Variants in EFR3B observed in about 807,000 individuals in gnomAD.
EFR3B encodes EFR3 homolog B.
A neutral mutation model predicts 104.7 loss-of-function variants in EFR3B; 64 were observed. The observed-to-expected ratio is 0.61, with a 90% CI of 0.50 to 0.75. The LOEUF (loss-of-function observed/expected upper bound fraction) is 0.75, where lower values mean the gene tolerates loss of function less well. Among genes scored for constraint, EFR3B ranks in the 30% least tolerant of loss-of-function variants. The probability of loss-of-function intolerance (pLI) is 0.00; values close to 1 mark genes in which losing one functional copy is unlikely to be tolerated. For synonymous variants in EFR3B, 385 were observed against 417.9 expected (o/e 0.92, Z 0.96); for missense variants, 750 against 1,078.5 (o/e 0.70, Z 4.27).
At position 25,155,358 on chromosome 2, in the gene EFR3B, A is replaced by C. The variant is rs1183500747; in HGVS notation, c.*1018A>C. On this transcript the variant is annotated 3_prime_UTR_variant, in exon 23 of 23. Transcript: ENST00000403714. Reference sequence around the variant, plus strand: ...CTTTTTGGATGTTCCGTTTGAAGAAAGAAGGATCTAACACCTAATATTGGA... The same window carrying C: ...CTTTTTGGATGTTCCGTTTGAAGAACGAAGGATCTAACACCTAATATTGGA... 1 of 152,220 alleles carries C rather than the reference A, an allele frequency of 6.6e-6. No individual in the cohort carries two copies. The highest frequency in any genetic ancestry group is 1.5e-5 in the Non-Finnish European group (1 of 68,058). 9.4% of individuals were successfully genotyped at this position (152,220 alleles called of 1,614,324 possible).
intron 3 of EFR3B, among the ~76,000 whole-genome samples, chr2:25,099,777 G>T (rs147583156): frequency 9.2e-4 from 140 of 151,786 alleles, no homozygotes; most frequent in African/African-American, 3.3e-3. Flanking sequence ...GTCCCAGGAG[G>T]TATCATGGAG....
rs371978789 is a variant in EFR3B at position 25,141,447 on chromosome 2, G to A, written c.1922+14G>A. 47 of 1,550,512 alleles carry A rather than the reference G, an allele frequency of 3.0e-5. No individual in the cohort carries two copies. Among genetic ancestry groups the A allele is most frequent in the African/African-American group, 5.5e-5 (4 of 72,994 alleles). ...GGAGAGGCCCAGGTGAGGAGAGGAC[G>A]GGGGACGTGGTCAGGGATCCCCAGG... On this transcript the variant is annotated intron_variant, in intron 17 of 22. Transcript: ENST00000403714.
At chr2:25,046,648 C>T (rs1404081550) in intron 1 of EFR3B, among the ~76,000 whole-genome samples, 2 of 150,678 alleles carry the variant, frequency 1.3e-5, no homozygotes, top group East Asian at 4.0e-4. Context: ...GGACTACAGG[C>T]GTCCACCACC....
chr2:25,141,628 C>G (rs1283860401), intron 17 of EFR3B, among the ~76,000 whole-genome samples, 195 bp downstream of exon 17: 2 of 152,226 alleles, frequency 1.3e-5, no homozygotes, highest in Admixed American at 1.3e-4. Flanking sequence ...GTCCATGCCT[C>G]GAGCATGCAA....
rs145213744 is a variant in EFR3B at position 25,051,059 on chromosome 2, G to T, written c.7+8740G>T. On this transcript the variant is annotated intron_variant, in intron 1 of 22. Coordinates refer to ENST00000403714, the MANE Select transcript of EFR3B (RefSeq NM_014971.2). ...TGGCCCTGCTCTCAGCTGCCTCCTG[G>T]TTTGCTCATGGAGGCTCCACCCCCC... Among the ~76,000 whole-genome samples the T allele has an allele frequency of 2.0e-3, 309 of 152,222 alleles. 1 individual carries two copies. Among genetic ancestry groups the T allele is most frequent in the African/African-American group, 6.9e-3 (288 of 41,522 alleles).
intron 1 of EFR3B, among the ~76,000 whole-genome samples, chr2:25,069,860 C>A (rs1668446361): frequency 6.6e-6 from 1 of 152,294 alleles, no homozygotes; most frequent in Admixed American, 6.5e-5. Flanking sequence ...CCACGCCTGG[C>A]TAATTTTTTT....
chr2:25,091,461 G>A, intron 2 of EFR3B, 60 bp downstream of exon 2: 2 of 1,463,166 alleles, frequency 1.4e-6, no homozygotes, highest in Non-Finnish European at 1.8e-6. Flanking sequence ...CCTCTGACGG[G>A]GGCAGCTTGG....
chr2:25,077,427 A>G (rs1296885137), intron 1 of EFR3B, among the ~76,000 whole-genome samples: 1 of 152,160 alleles, frequency 6.6e-6, no homozygotes, highest in African/African-American at 2.4e-5. Context: ...AGCTGGGATT[A>G]TAGGCACCCG....
chr2:25,143,941 A>C, intron 18 of EFR3B, 79 bp downstream of exon 18: 1 of 1,479,132 alleles, frequency 6.8e-7, no homozygotes. Context: ...TAAGGGACTT[A>C]TAGCCCTTTG....
At chr2:25,142,013 G>A (rs2384143) in intron 17 of EFR3B, among the ~76,000 whole-genome samples, 35,990 of 152,102 alleles carry the variant, frequency 0.24, 4,727 homozygotes, top group Non-Finnish European at 0.32. Flanking sequence ...AAAAATACGG[G>A]ACTAAGCTGG....
At position 25,156,462 on chromosome 2, in the gene EFR3B, G is replaced by A. The variant is rs568531194; in HGVS notation, c.*2122G>A. The A allele has an allele frequency of 4.6e-5, 7 of 151,718 alleles. No individual in the cohort carries two copies. The highest frequency in any genetic ancestry group is 1.9e-4 in the East Asian group (1 of 5,150). The allele number at this position is 151,718 out of a possible 1,614,324, so 9.4% of individuals were successfully genotyped here. On this transcript the variant is annotated 3_prime_UTR_variant, in exon 23 of 23. Coordinates refer to ENST00000403714, the MANE Select transcript of EFR3B (RefSeq NM_014971.2). ...ACAGGCGTGCACCACCACGCCTGGC[G>A]AATTTTGTGTTTTTAGTAGACATGA...
At chr2:25,128,365 T>C in intron 6 of EFR3B, 33 bp downstream of exon 6, 3 of 1,550,646 alleles carry the variant, frequency 1.9e-6, no homozygotes, top group Non-Finnish European at 2.6e-6. Flanking sequence ...GGACAGTAGA[T>C]ATAATCAACC....
chr2:25,051,221 C>T (rs972877164), intron 1 of EFR3B, among the ~76,000 whole-genome samples: 5 of 152,278 alleles, frequency 3.3e-5, no homozygotes, highest in Non-Finnish European at 7.4e-5. Context: ...AAGCGATTCT[C>T]ATGCCTCAGC....
intron 4 of EFR3B, among the ~76,000 whole-genome samples, chr2:25,111,540 C>T (rs1265575099): frequency 1.3e-5 from 2 of 152,192 alleles, no homozygotes; most frequent in Non-Finnish European, 2.9e-5. Flanking sequence ...CCCACGGTTG[C>T]CTATGTCCTA....
At chr2:25,124,766 A>C (rs1364084207) in intron 5 of EFR3B, among the ~76,000 whole-genome samples, 1 of 127,042 alleles carries the variant, frequency 7.9e-6, no homozygotes, top group Non-Finnish European at 1.6e-5. Context: ...AAAAAAAAGG[A>C]GCAGTAAGGG....
chr2:25,109,768 G>A (rs1669671793), intron 4 of EFR3B, among the ~76,000 whole-genome samples: 1 of 152,170 alleles, frequency 6.6e-6, no homozygotes, highest in African/African-American at 2.4e-5. Flanking sequence ...CTTTTGGGGT[G>A]AGGAAAATGT....
chr2:25,116,592 C>A (rs1669866098), intron 4 of EFR3B, among the ~76,000 whole-genome samples: 1 of 152,010 alleles, frequency 6.6e-6, no homozygotes, highest in South Asian at 2.1e-4. Context: ...CCACTGCACT[C>A]CAGCTTGGGC....
chr2:25,153,843 T>G (rs1671086152), intron 22 of EFR3B, 82 bp downstream of exon 22: 2 of 1,349,686 alleles, frequency 1.5e-6, no homozygotes, highest in Non-Finnish European at 2.1e-6. Context: ...CTCACCCCTG[T>G]CTTCTCTTCT....
chr2:25,114,299 G>A lies in EFR3B; in HGVS notation c.364-7374G>A, dbSNP rs531357239. ...ACCCACGGACAGCGCTCCCTGACCA[G>A]GTGACCTAGCTGGGCTGCTGCGACT... On this transcript the variant is annotated intron_variant, in intron 4 of 22. Transcript: ENST00000403714. This position sits in a 1 kb window ranked among gnomAD's most constrained non-coding sequence, Gnocchi z 4.0. Among the ~76,000 whole-genome samples, 3 of 152,228 alleles carry A rather than the reference G, an allele frequency of 2.0e-5. No individual in the cohort carries two copies. The highest frequency in any genetic ancestry group is 7.2e-5 in the African/African-American group (3 of 41,540).
Sources: gnomAD v4.1 joint callset for allele counts (sites outside exome capture counted in the v4.1 genomes callset) on GRCh38, gnomAD v4.1.1 for gene constraint, Gnocchi (gnomAD v3.1) non-coding constraint, MANE v1.5 for transcripts, NCBI Gene and HGNC (gene_info 2026-07-23, HGNC 2026-07-21) for gene names.